The following BCKDHB variants were observed in gnomAD, a reference collection of about 807,000 sequenced individuals.
The protein encoded by BCKDHB is branched chain keto acid dehydrogenase E1 subunit beta.
A neutral mutation model predicts 48.5 loss-of-function variants in BCKDHB; 41 were observed. The ratio of observed to expected loss-of-function variants is 0.85; its 90% CI spans 0.66 to 1.10. The LOEUF (loss-of-function observed/expected upper bound fraction) is 1.10, where lower values mean the gene tolerates loss of function less well. BCKDHB is among the 50% of genes least tolerant of loss of function. The pLI, the probability that BCKDHB is intolerant of heterozygous loss-of-function variation, is 0.00. For synonymous variants in BCKDHB, 201 were observed against 174.8 expected (o/e 1.15, Z -1.18); for missense variants, 496 against 494.2 (o/e 1.00, Z -0.03).
intron 1 of BCKDHB, among the ~76,000 whole-genome samples, chr6:80,118,843 A>G (rs1240659770): frequency 6.6e-6 from 1 of 152,090 alleles, no homozygotes; most frequent in East Asian, 1.9e-4. Context: ...TGAGTTCTTC[A>G]GGTTGCATAC....
intron 1 of BCKDHB, among the ~76,000 whole-genome samples, chr6:80,120,549 C>A (rs912948658): frequency 3.9e-5 from 6 of 152,042 alleles, no homozygotes; most frequent in Admixed American, 3.3e-4. Context: ...TTAATGATTG[C>A]CATTCTAAAT....
intron 8 of BCKDHB, among the ~76,000 whole-genome samples, chr6:80,241,578 G>A (rs1449352161): frequency 6.6e-6 from 1 of 152,238 alleles, no homozygotes; most frequent in African/African-American, 2.4e-5. Flanking sequence ...GGCATCACCA[G>A]CGGAGGGTGC....
chr6:80,449,424 G>A, the BCKDHB span, among the ~76,000 whole-genome samples: 1 of 152,024 alleles, frequency 6.6e-6, no homozygotes, highest in African/African-American at 2.4e-5. Context: ...TTGTGCTGTT[G>A]GAGCTTATAT....
At chr6:80,369,619 A>G in the BCKDHB span, among the ~76,000 whole-genome samples, 3 of 152,200 alleles carry the variant, frequency 2.0e-5, no homozygotes, top group Non-Finnish European at 2.9e-5. Context: ...TTGCCTGACT[A>G]TGGTTCATCT....
the BCKDHB span, among the ~76,000 whole-genome samples, chr6:80,421,783 A>G: frequency 6.6e-6 from 1 of 152,234 alleles, no homozygotes; most frequent in Admixed American, 6.5e-5. Context: ...AAAGCATTCA[A>G]GAAGTGACCT....
At position 80,143,772 on chromosome 6, in the gene BCKDHB, C is replaced by T. The variant is rs144410857; in HGVS notation, c.343+14543C>T. Among the ~76,000 whole-genome samples, 302 of 152,262 alleles carry T rather than the reference C, an allele frequency of 2.0e-3. 3 individuals carry two copies. Among genetic ancestry groups the T allele is most frequent in the East Asian group, 0.014 (73 of 5,170 alleles). ...ACCTTCTCTTGTGGCATCCTGCCAT[C>T]CTTCCCCTCTAGATCCTCTGGCCAC... On this transcript the variant is annotated intron_variant, in intron 3 of 9. Coordinates refer to ENST00000320393, the MANE Select transcript of BCKDHB (RefSeq NM_183050.4).
chr6:80,184,334 T>C (rs1336872940), intron 6 of BCKDHB, among the ~76,000 whole-genome samples: 2 of 152,164 alleles, frequency 1.3e-5, no homozygotes, highest in African/African-American at 4.8e-5. Flanking sequence ...ATGTGAGTCC[T>C]TAGGTGTTAA....
chr6:80,166,925 C>G (rs1772601924), intron 3 of BCKDHB, among the ~76,000 whole-genome samples: 2 of 151,966 alleles, frequency 1.3e-5, no homozygotes, highest in South Asian at 2.1e-4. Flanking sequence ...CTATTTTTCA[C>G]ACTCCCTCCT....
At chr6:80,451,509 G>A in the BCKDHB span, among the ~76,000 whole-genome samples, 8 of 152,168 alleles carry the variant, frequency 5.3e-5, no homozygotes, top group Admixed American at 3.9e-4. Context: ...AGGCCTAGGC[G>A]GGTGGACCAC....
At chr6:80,314,909 C>G (rs1403873446) in intron 9 of BCKDHB, among the ~76,000 whole-genome samples, 1 of 152,174 alleles carries the variant, frequency 6.6e-6, no homozygotes, top group Non-Finnish European at 1.5e-5. Context: ...TGCGGCGGGA[C>G]TCGCTGCTCA....
chr6:80,306,067 GAATT>G (rs1022023730), intron 9 of BCKDHB, among the ~76,000 whole-genome samples: 7 of 152,244 alleles, frequency 4.6e-5, no homozygotes, highest in African/African-American at 1.7e-4. Context: ...AAGATTAAGT[GAATT>G]AATACATGTA....
At chr6:80,159,021 AG>A in intron 3 of BCKDHB, among the ~76,000 whole-genome samples, 1 of 152,300 alleles carries the variant, frequency 6.6e-6, no homozygotes, top group South Asian at 2.1e-4. Flanking sequence ...GGTGTGAGTA[AG>A]GGGAACACCA....
rs537258661 is a variant in BCKDHB, at chr6:80,157,085, T to C, written c.344-10593T>C. On this transcript the variant is annotated intron_variant, in intron 3 of 9. Coordinates refer to ENST00000320393, the MANE Select transcript of BCKDHB (RefSeq NM_183050.4). ...TATCTAGTACTTGGTTTGAGAAACC[T>C]CAGTCTATGATACTGAACATTATTG... Among the ~76,000 whole-genome samples the C allele has an allele frequency of 2.0e-5, 3 of 152,316 alleles. No homozygotes were observed. The East Asian group carries it at 5.8e-4, about 29-fold the overall frequency.
chr6:80,428,682 C>G, the BCKDHB span, among the ~76,000 whole-genome samples: 80 of 152,274 alleles, frequency 5.3e-4, no homozygotes, highest in African/African-American at 1.9e-3. Flanking sequence ...TGAGAAGTGT[C>G]TATTCATATC....
intron 7 of BCKDHB, among the ~76,000 whole-genome samples, chr6:80,202,883 C>G (rs1582346448): frequency 6.6e-6 from 1 of 152,084 alleles, no homozygotes; most frequent in African/African-American, 2.4e-5. Context: ...ACTGACTTCT[C>G]TCTCTAAGCA....
chr6:80,218,541 CT>C (rs1775274530), intron 8 of BCKDHB, among the ~76,000 whole-genome samples: 1 of 152,118 alleles, frequency 6.6e-6, no homozygotes, highest in Admixed American at 6.5e-5. Flanking sequence ...GTTTAGTGGG[CT>C]TGCATTCCCT....
At chr6:80,457,774 T>TC in the BCKDHB span, among the ~76,000 whole-genome samples, 1 of 152,208 alleles carries the variant, frequency 6.6e-6, no homozygotes, top group East Asian at 1.9e-4. Context: ...TCTTATGGCT[T>TC]CCTAGTGTAT....
chr6:80,106,707 C>G lies in BCKDHB; in HGVS notation c.14C>G (p.Ala5Gly), dbSNP rs189864392. The change falls in exon 1 of 10, where the codon GCG becomes GGG. Residue 5 changes from alanine (A) to glycine (G), a missense_variant. Physicochemically the swap from Ala to Gly is moderately conservative, Grantham distance 60. Coordinates refer to ENST00000320393, the MANE Select transcript of BCKDHB (RefSeq NM_183050.4). MAVV[A>G]AAAGWLLRLR... ...TGGTGAGCGGGGATGGCGGTTGTAG[C>G]GGCGGCTGCCGGCTGGCTACTCAGG... 6.4e-7 allele frequency: 1 copy of G among 1,550,470 alleles called. No individual in the cohort carries two copies. Among genetic ancestry groups the G allele is most frequent in the African/African-American group, 1.4e-5 (1 of 73,050 alleles).
At chr6:80,220,739 T>C (rs1209413460) in intron 8 of BCKDHB, among the ~76,000 whole-genome samples, 1 of 137,888 alleles carries the variant, frequency 7.3e-6, no homozygotes. Flanking sequence ...TTTTTCTTTT[T>C]TTTTTTTTTT....
Sources: allele counts gnomAD v4.1 joint callset (sites outside exome capture counted in the v4.1 genomes callset), GRCh38; gene constraint gnomAD v4.1.1; transcripts MANE v1.5; gene names NCBI Gene and HGNC (gene_info 2026-07-23, HGNC 2026-07-21).